Variants in PAK5 observed in about 807,000 individuals in gnomAD.
PAK5 encodes serine/threonine-protein kinase PAK 5.
PAK5 carries 16 observed loss-of-function variants against 65.9 expected under a neutral mutation model. The observed-to-expected ratio is 0.24, with a 90% confidence interval of 0.16 to 0.37. The LOEUF is 0.37. Among genes scored for constraint, PAK5 ranks in the 10% least tolerant of loss-of-function variants. The pLI is 1.00. For missense variants in PAK5, 785 were observed against 903.9 expected (o/e 0.87, Z 1.69); for synonymous variants, 371 against 354.9 (o/e 1.05, Z -0.51).
chr20:9,750,670 G>A (rs527343146), intron 1 of PAK5, among the ~76,000 whole-genome samples: 59 of 152,166 alleles, frequency 3.9e-4, no homozygotes, highest in Non-Finnish European at 6.3e-4. Context: ...GTTGCCTAAA[G>A]AATAAGGAAG....
intron 8 of PAK5, among the ~76,000 whole-genome samples, chr20:9,543,755 GC>G (rs1568953420): frequency 1.3e-5 from 2 of 152,002 alleles, no homozygotes; most frequent in Non-Finnish European, 2.9e-5. Flanking sequence ...TCCCAAGAAG[GC>G]CCTTCCTCTA....
chr20:9,619,188 G>A (rs2046725579), intron 3 of PAK5, among the ~76,000 whole-genome samples: 1 of 152,006 alleles, frequency 6.6e-6, no homozygotes, highest in Non-Finnish European at 1.5e-5. Context: ...CTCCCAAAGT[G>A]CTGGGATTAC....
chr20:9,540,515 G>A (rs1323926047), intron 9 of PAK5, among the ~76,000 whole-genome samples: 7 of 152,110 alleles, frequency 4.6e-5, no homozygotes, highest in Admixed American at 4.6e-4. Context: ...TGTTGTATCT[G>A]TGAGATTCAT....
chr20:9,804,661 G>A (rs926967895), intron 1 of PAK5, among the ~76,000 whole-genome samples: 20 of 152,154 alleles, frequency 1.3e-4, no homozygotes, highest in Non-Finnish European at 2.2e-4. Context: ...ATTTGGCAGT[G>A]GTTCCTCAGT....
In PAK5 at chr20:9,573,387, T is replaced by A. The variant is rs1300260830; in HGVS notation, c.990+6758A>T. Among the ~76,000 whole-genome samples, 3 of 152,176 alleles carry A rather than the reference T, an allele frequency of 2.0e-5. No individual in the cohort carries two copies. The East Asian group carries it at 5.8e-4, about 29-fold the overall frequency. ...AATTATAAATAATTATAGCTATGAA[T>A]TCACTTAATCAATCAATTTCACCAG... On this transcript the variant is annotated intron_variant, in intron 4 of 9. Transcript: ENST00000353224.
chr20:9,726,699 A>G (rs949187701), intron 1 of PAK5, among the ~76,000 whole-genome samples: 4 of 152,186 alleles, frequency 2.6e-5, no homozygotes, highest in African/African-American at 7.2e-5. Flanking sequence ...GAACATTAGA[A>G]CAAATACCTA....
chr20:9,551,675 T>A (rs774040568), intron 7 of PAK5, among the ~76,000 whole-genome samples: 1 of 152,220 alleles, frequency 6.6e-6, no homozygotes, highest in Non-Finnish European at 1.5e-5. Context: ...GCTACTTGTG[T>A]GCCTAGTTTC....
intron 1 of PAK5, among the ~76,000 whole-genome samples, chr20:9,822,851 G>A (rs2049439246): frequency 6.6e-6 from 1 of 152,226 alleles, no homozygotes; most frequent in African/African-American, 2.4e-5. Context: ...ACTGATGGGA[G>A]TTGGTGTATA....
chr20:9,580,287 C>G lies in PAK5; in HGVS notation c.848G>C (p.Arg283Pro). The change falls in exon 4 of 10, where the codon CGG becomes CCG. Residue 283 changes from arginine to proline, a missense_variant. Physicochemically the swap from Arg to Pro is moderately radical, Grantham distance 103. Transcript: ENST00000353224. ...LNQTSPQPTM[R>P]QRSRSGSGLQ... ...TCCCGAGCCTGACCTGGACCTCTGC[C>G]GCATGGTGGGCTGAGGGCTTGTCTG... 6.2e-7 allele frequency: 1 copy of G among 1,614,104 alleles called. No homozygotes were observed.
At chr20:9,785,193 A>G (rs1328393421) in intron 1 of PAK5, among the ~76,000 whole-genome samples, 2 of 152,186 alleles carry the variant, frequency 1.3e-5, no homozygotes, top group Non-Finnish European at 2.9e-5. Context: ...ATTTTAGGTA[A>G]GGATGTAGAA....
At chr20:9,551,616 T>G (rs146610142) in intron 7 of PAK5, among the ~76,000 whole-genome samples, 3 of 152,300 alleles carry the variant, frequency 2.0e-5, no homozygotes, top group Non-Finnish European at 2.9e-5. Flanking sequence ...CTGCATGCAC[T>G]CTAAAGAATT....
chr20:9,556,086 A>T (rs1027988763), intron 7 of PAK5, among the ~76,000 whole-genome samples: 7 of 152,192 alleles, frequency 4.6e-5, no homozygotes, highest in Admixed American at 1.3e-4. Context: ...GTCAGCAAAT[A>T]AATGGTGGTT....
intron 1 of PAK5, among the ~76,000 whole-genome samples, chr20:9,834,625 T>C (rs1979000436): frequency 1.3e-5 from 2 of 152,242 alleles, no homozygotes; most frequent in South Asian, 4.1e-4. Flanking sequence ...ATCAGAATAA[T>C]AATACCAACA....
At chr20:9,661,850 G>C (rs977055504) in intron 2 of PAK5, among the ~76,000 whole-genome samples, 3 of 151,964 alleles carry the variant, frequency 2.0e-5, no homozygotes, top group Non-Finnish European at 2.9e-5. Flanking sequence ...TGAATCTTTA[G>C]GGGCCAAAAG....
chr20:9,586,483 TATAGATGGATAAA>T (rs2046072639), intron 3 of PAK5, among the ~76,000 whole-genome samples: 1 of 152,190 alleles, frequency 6.6e-6, no homozygotes, highest in Non-Finnish European at 1.5e-5. Context: ...CTAAAATATC[TATAGATGGATAAA>T]AAACAGAACT....
intron 2 of PAK5, among the ~76,000 whole-genome samples, chr20:9,671,230 TGGCTTA>T (rs1437196940): frequency 2.0e-5 from 3 of 152,234 alleles, no homozygotes; most frequent in Non-Finnish European, 4.4e-5. Flanking sequence ...TTTGTTCTTT[TGGCTTA>T]GGATTGACTT....
intron 3 of PAK5, among the ~76,000 whole-genome samples, chr20:9,625,444 C>T (rs1013032655): frequency 2.6e-5 from 4 of 152,238 alleles, no homozygotes; most frequent in Non-Finnish European, 4.4e-5. Context: ...CTCACATCTT[C>T]CCTTGCTACA....
chr20:9,803,717 T>C (rs922744057), intron 1 of PAK5, among the ~76,000 whole-genome samples: 3 of 152,148 alleles, frequency 2.0e-5, no homozygotes, highest in African/African-American at 7.2e-5. Context: ...CTAATACACC[T>C]CTTCTGGAAA....
At chr20:9,686,244 C>G (rs776586557) in intron 2 of PAK5, among the ~76,000 whole-genome samples, 9 of 152,108 alleles carry the variant, frequency 5.9e-5, no homozygotes, top group Non-Finnish European at 1.3e-4. Context: ...GCCTCAGAAG[C>G]TGACCCATGT....
Sources: allele counts gnomAD v4.1 joint callset (sites outside exome capture counted in the v4.1 genomes callset), GRCh38; gene constraint gnomAD v4.1.1; transcripts MANE v1.5; gene names NCBI Gene and HGNC (gene_info 2026-07-23, HGNC 2026-07-21).